OR2L2: variants seen among roughly 807,000 people sequenced by gnomAD.
OR2L2 encodes olfactory receptor 2L2.
For synonymous variants in OR2L2, 156 were observed against 135.4 expected, an observed-to-expected ratio of 1.15 and a Z score of -1.06; for missense variants, 378 against 375.2, an observed-to-expected ratio of 1.01 and a Z score of -0.06.
chr1:248,032,976 TAAAAACATAA>T (rs11277961), intron 1 of OR2L2, among the ~76,000 whole-genome samples: 26,611 of 152,098 alleles, frequency 0.17, 2,541 homozygotes, highest in East Asian at 0.32. Context: ...TATGCATTTA[TAAAAACATAA>T]AACCCTATTG....
At chr1:248,034,744 A>G (rs903341538) in intron 1 of OR2L2, among the ~76,000 whole-genome samples, 1 of 152,120 alleles carries the variant, frequency 6.6e-6, no homozygotes. Flanking sequence ...TACTATTGTA[A>G]ATAAAATCAC....
In OR2L2 at chr1:248,038,248, A is replaced by G. The variant is rs192540203; in HGVS notation, c.-20A>G. ...ATTTACCCTTTTGTCTCCCTTCAGG[A>G]TGGATTGTAGGAATTCCCCATGGAA... On this transcript the variant is annotated splice_region_variant and 5_prime_UTR_variant, in exon 3 of 3. An upstream start codon of the reference 5' UTR is lost. Transcript: ENST00000641771. The G allele has an allele frequency of 3.0e-3, 4,565 of 1,530,566 alleles. 23 individuals are homozygous for G. Among genetic ancestry groups the G allele is most frequent in the South Asian group, 3.8e-3 (321 of 85,012 alleles). The allele number at this position is 1,530,566 out of a possible 1,614,324, so 94.8% of individuals were successfully genotyped here. A position where few individuals can be genotyped will look rare whatever the true frequency, so the allele number is the denominator to read the frequency against.
Position 248,038,315 on chromosome 1 carries a change from G to A in OR2L2, c.48G>A (p.Leu16=), listed in dbSNP as rs963247224. Residue 16 remains leucine, a synonymous_variant, in exon 3 of 3, where the codon CTG becomes CTA. Coordinates refer to ENST00000641771, the MANE Select transcript of OR2L2 (RefSeq NM_001385855.1). The stretch of plus-strand genomic sequence containing the variant: ...CAACTGATTTCATCTTATTGGGGCT[G>A]TTCCCACAATCAAGAATTGGCCTTT... ...QTSTDFILLG[L]FPQSRIGLFV... The A allele has an allele frequency of 1.2e-6, 2 of 1,613,254 alleles. No individual in the cohort carries two copies. The highest frequency in any genetic ancestry group is 1.7e-5 in the Admixed American group (1 of 59,988).
At chr1:248,038,053 A>T in intron 2 of OR2L2, 194 bp from the exon 3 acceptor site, 1 of 439,140 alleles carries the variant, frequency 2.3e-6, no homozygotes, top group Non-Finnish European at 4.0e-6. Context: ...TTTTATTTGT[A>T]GTTATTTTTG....
rs1235721513 is a variant in OR2L2 at position 248,039,983 on chromosome 1, T to C, written c.*777T>C. 2 of 152,222 alleles carry C rather than the reference T, an allele frequency of 1.3e-5. No individual in the cohort carries two copies. The highest frequency in any genetic ancestry group is 2.9e-5 in the Non-Finnish European group (2 of 68,040). The allele number at this position is 152,222 out of a possible 1,614,324, so 9.4% of individuals were successfully genotyped here. A position where few individuals can be genotyped will look rare whatever the true frequency, so the allele number is the denominator to read the frequency against. On this transcript the variant is annotated 3_prime_UTR_variant, in exon 3 of 3. Transcript: ENST00000641771. Reference sequence around the variant, plus strand: ...TTACAGTCTATAGACCCTCTTAGACTATAGTTGACTTAGTGGAGTGTGGAG... The same window carrying C: ...TTACAGTCTATAGACCCTCTTAGACCATAGTTGACTTAGTGGAGTGTGGAG...
chr1:248,032,289 G>C (rs891446102), intron 1 of OR2L2, among the ~76,000 whole-genome samples: 1 of 151,904 alleles, frequency 6.6e-6, no homozygotes, highest in Non-Finnish European at 1.5e-5. Context: ...ATATTTAAAT[G>C]TTTTTATTAT....
In OR2L2 at chr1:248,039,849, A is replaced by T. The variant is rs2103098637; in HGVS notation, c.*643A>T. On this transcript the variant is annotated 3_prime_UTR_variant, in exon 3 of 3. Transcript: ENST00000641771. ...TATGTATGTCTTCTTCTTTTTCTTAAAGTAATGTTTTACTAATAAGTTTAC... is the reference window on the plus strand; with the variant it reads ...TATGTATGTCTTCTTCTTTTTCTTATAGTAATGTTTTACTAATAAGTTTAC... The T allele has an allele frequency of 6.6e-6, 1 of 152,266 alleles. No individual in the cohort carries two copies. The highest frequency in any genetic ancestry group is 1.9e-4 in the East Asian group (1 of 5,186). 9.4% of individuals were successfully genotyped at this position (152,266 alleles called of 1,614,324 possible).
chr1:248,038,532 A>T lies in OR2L2; in HGVS notation c.265A>T (p.Lys89Ter). The T allele has an allele frequency of 1.9e-6, 3 of 1,614,180 alleles. No homozygotes were observed. Among genetic ancestry groups the T allele is most frequent in the Non-Finnish European group, 2.5e-6 (3 of 1,180,022 alleles). ...KMVYDFLYGN[K>*]SISFTGCGIQ... The stretch of plus-strand genomic sequence containing the variant: ...GGTTTATGATTTTCTGTATGGAAAC[A>T]AGTCTATCTCCTTCACTGGATGTGG... The change falls in exon 3 of 3, where the codon AAG (lysine) becomes TAG (stop). Residue 89 changes from lysine (K) to a stop codon, truncating the protein, a stop_gained. Coordinates refer to ENST00000641771, the MANE Select transcript of OR2L2 (RefSeq NM_001385855.1). LOFTEE classifies it low-confidence loss of function (END_TRUNC).
intron 1 of OR2L2, among the ~76,000 whole-genome samples, chr1:248,031,581 C>T (rs1346741936): frequency 6.6e-6 from 1 of 152,046 alleles, no homozygotes; most frequent in Non-Finnish European, 1.5e-5. Context: ...TATTTTCTAT[C>T]CAATGGTCTG....
intron 2 of OR2L2, chr1:248,038,033 A>C (rs1051980591): frequency 2.6e-6 from 1 of 391,276 alleles, no homozygotes; most frequent in Non-Finnish European, 4.5e-6. Context: ...ATATAGTTGT[A>C]ATTGTTCTAT....
At position 248,034,039 on chromosome 1, in the gene OR2L2, A is replaced by G. The variant is rs967113166; in HGVS notation, c.-96-1511A>G. On this transcript the variant is annotated intron_variant, in intron 1 of 2. Transcript: ENST00000641771. Reference sequence around the variant, plus strand: ...TAAAAGAATTCAGCCAAGTTTCAGGATACAAAATTAATGTTCACAAATCAG... The same window carrying G: ...TAAAAGAATTCAGCCAAGTTTCAGGGTACAAAATTAATGTTCACAAATCAG... Among the ~76,000 whole-genome samples, 7 of 152,274 alleles carry G rather than the reference A, an allele frequency of 4.6e-5. No individual in the cohort carries two copies. The East Asian group carries it at 9.6e-4, about 21-fold the overall frequency.
At chr1:248,038,190 G>T (rs1662818563) in intron 2 of OR2L2, 57 bp from the exon 3 acceptor site, 1 of 1,023,104 alleles carries the variant, frequency 9.8e-7, no homozygotes, top group East Asian at 2.4e-5. Flanking sequence ...TTGTAATGCA[G>T]CCACTGTGGA....
Position 248,038,769 on chromosome 1 carries a change from T to A in OR2L2, c.502T>A (p.Cys168Ser). 2 of 1,614,186 alleles carry A rather than the reference T, an allele frequency of 1.2e-6. No individual in the cohort carries two copies. Among genetic ancestry groups the A allele is most frequent in the South Asian group, 2.2e-5 (2 of 91,082 alleles). The change falls in exon 3 of 3, where the codon TGC becomes AGC. Residue 168 changes from cysteine (C) to serine (S), a missense_variant. Cys to Ser is a moderately radical substitution (Grantham distance 112). Coordinates refer to ENST00000641771, the MANE Select transcript of OR2L2 (RefSeq NM_001385855.1). The part of the protein sequence containing the change: ...HTVYALCIPY[C>S]KSRAINHFFC... ...AGTATATGCACTCTGTATCCCATAT[T>A]GCAAGTCCAGAGCCATCAATCATTT...
At position 248,041,557 on chromosome 1, in the gene OR2L2, T is replaced by A. The variant is rs1489127111; in HGVS notation, c.*2351T>A. 1 of 152,058 alleles carries A rather than the reference T, an allele frequency of 6.6e-6. No individual in the cohort carries two copies. The highest frequency in any genetic ancestry group is 2.4e-5 in the African/African-American group (1 of 41,380). The allele number at this position is 152,058 out of a possible 1,614,324, so 9.4% of individuals were successfully genotyped here. ...TTCTGCACAGCAAAAGAAACTACCA[T>A]CAGAGTGAACAGGCAACCTACAGAA... is the stretch of plus-strand genomic sequence containing the variant. On this transcript the variant is annotated 3_prime_UTR_variant, in exon 3 of 3. Coordinates refer to ENST00000641771, the MANE Select transcript of OR2L2 (RefSeq NM_001385855.1).
chr1:248,039,003 G>C lies in OR2L2; in HGVS notation c.736G>C (p.Val246Leu), dbSNP rs1021373285. ...TTCAACCTGTAGCACCCACCTCACT[G>C]TAGTGTCCTTCTACTATGCACCCTT... ...AYSTCSTHLT[V>L]VSFYYAPFAY... Residue 246 changes from valine (V) to leucine (L), a missense_variant, in exon 3 of 3, where the codon GTA (valine) becomes CTA (leucine). By Grantham distance (32) the Val-to-Leu change is conservative. Coordinates refer to ENST00000641771, the MANE Select transcript of OR2L2 (RefSeq NM_001385855.1). 5.0e-6 allele frequency: 8 copies of C among 1,613,914 alleles called. No homozygotes were observed. The highest frequency in any genetic ancestry group is 1.6e-4 in the Middle Eastern group (1 of 6,084).
At chr1:248,038,196 G>A (rs1662818698) in intron 2 of OR2L2, 51 bp from the exon 3 acceptor site, 3 of 1,102,664 alleles carry the variant, frequency 2.7e-6, no homozygotes, top group Admixed American at 2.1e-5. Flanking sequence ...TGCAGCCACT[G>A]TGGATAAAAG....
intron 1 of OR2L2, among the ~76,000 whole-genome samples, chr1:248,031,907 A>G (rs1225660502): frequency 1.3e-5 from 2 of 152,180 alleles, no homozygotes; most frequent in Non-Finnish European, 2.9e-5. Flanking sequence ...ATTCTGACAT[A>G]TATTACTTTT....
chr1:248,034,766 T>C (rs2103091871), intron 1 of OR2L2, among the ~76,000 whole-genome samples: 1 of 152,336 alleles, frequency 6.6e-6, no homozygotes, highest in Admixed American at 6.5e-5. Flanking sequence ...ATCTCATTTT[T>C]AGATTGTTTA....
In OR2L2 at chr1:248,030,132, T is replaced by A. The variant is rs999537134; in HGVS notation, c.-200T>A. On this transcript the variant is annotated 5_prime_UTR_variant, in exon 1 of 3. Transcript: ENST00000641771. ...ATATATGCATTTCTTTAAGCAATAT[T>A]CTTAATGCTTACTCAGAAAAATGAA... 4.6e-5 allele frequency: 7 copies of A among 152,160 alleles called. No homozygotes were observed. The highest frequency in any genetic ancestry group is 8.8e-5 in the Non-Finnish European group (6 of 68,006). The allele number at this position is 152,160 out of a possible 1,614,324, so 9.4% of individuals were successfully genotyped here.
Sources: gnomAD v4.1 joint callset for allele counts (sites outside exome capture counted in the v4.1 genomes callset) on GRCh38, gnomAD v4.1.1 for gene constraint, MANE v1.5 for transcripts, NCBI Gene and HGNC (gene_info 2026-07-23, HGNC 2026-07-21) for gene names.